Variants in CCR6 observed in about 807,000 individuals in gnomAD.
The protein encoded by CCR6 is C-C motif chemokine receptor 6.
A neutral mutation model predicts 3.0 loss-of-function variants in CCR6; 2 were observed. The ratio of observed to expected loss-of-function variants is 0.66; its 90% CI spans 0.27 to 2.07. The LOEUF is 2.07. Ranked by LOEUF, CCR6 falls within the 30% of genes most tolerant of loss-of-function variation. CCR6 has a pLI of 0.14. For missense variants in CCR6, 322 were observed against 462.8 expected (o/e 0.70, Z 2.79); for synonymous variants, 193 against 184.3 (o/e 1.05, Z -0.38).
rs144859590 is a variant in CCR6 at position 167,113,969 on chromosome 6, G to T, written c.-98+1955G>T. Reference sequence around the variant, plus strand: ...GGAAAAAGGGCAGGGCAAGGAAGAGGTTCCAGGATAAAATAGACATGAGAT... The same window carrying T: ...GGAAAAAGGGCAGGGCAAGGAAGAGTTTCCAGGATAAAATAGACATGAGAT... On this transcript the variant is annotated intron_variant, in intron 1 of 2. Coordinates refer to the CCR6 transcript ENST00000400926. Among the ~76,000 whole-genome samples, 52 of 152,330 alleles carry T rather than the reference G, an allele frequency of 3.4e-4. No homozygotes were observed. The East Asian group carries it at 9.3e-3, about 27-fold the overall frequency.
rs186846068 is a variant in CCR6 at position 167,113,727 on chromosome 6, G to T, written c.-98+1713G>T. On this transcript the variant is annotated intron_variant, in intron 1 of 2. Transcript: ENST00000400926. ...TTAGTTGAAAATTAATTTGGAATAG[G>T]CTTCCCCAAGACCAAAATGTTGGTT... Among the ~76,000 whole-genome samples the T allele has an allele frequency of 4.6e-5, 7 of 152,330 alleles. 1 individual carries two copies. The highest frequency in any genetic ancestry group is 1.7e-4 in the African/African-American group (7 of 41,568).
intron 1 of CCR6, chr6:167,126,193 C>A (rs1366573246): frequency 1.3e-5 from 2 of 152,006 alleles, no homozygotes; most frequent in Non-Finnish European, 2.9e-5. Flanking sequence ...ATAGCAAGAC[C>A]CCATCTCTAA....
chr6:167,120,658 C>A (rs1256228907), upstream of CCR6, among the ~76,000 whole-genome samples: 1 of 152,158 alleles, frequency 6.6e-6, no homozygotes, highest in East Asian at 1.9e-4. Flanking sequence ...CTGAATTTAC[C>A]AAACTGTCCC....
chr6:167,117,667 A>G (rs971997739), intron 1 of CCR6, among the ~76,000 whole-genome samples: 25 of 151,846 alleles, frequency 1.6e-4, no homozygotes, highest in Admixed American at 1.3e-3. Flanking sequence ...CGCCCGTCTC[A>G]GCCTCCCAAA....
intron 1 of CCR6, chr6:167,112,032 C>T (rs144393247): frequency 5.4e-4 from 81 of 150,846 alleles, no homozygotes; most frequent in African/African-American, 1.9e-3. Flanking sequence ...TTTTTTTTGT[C>T]TTGGAACTTA....
chr6:167,128,137 A>T (rs1423787934), intron 1 of CCR6, among the ~76,000 whole-genome samples: 1 of 152,224 alleles, frequency 6.6e-6, no homozygotes, highest in Non-Finnish European at 1.5e-5. Flanking sequence ...GGGTCCAACT[A>T]GATAATCCAG....
intron 1 of CCR6, among the ~76,000 whole-genome samples, chr6:167,113,441 CAGA>C (rs1781444597): frequency 6.6e-6 from 1 of 152,198 alleles, no homozygotes; most frequent in Admixed American, 6.5e-5. Flanking sequence ...CCCCAAAACA[CAGA>C]GAGGGCAACT....
intron 1 of CCR6, among the ~76,000 whole-genome samples, chr6:167,124,611 G>A (rs1460397354): frequency 2.0e-5 from 3 of 152,224 alleles, no homozygotes; most frequent in East Asian, 3.9e-4. Context: ...GAATTAGAAC[G>A]GCGAGTAAGA....
At chr6:167,125,841 TA>T (rs1781661695) in intron 1 of CCR6, among the ~76,000 whole-genome samples, 1 of 152,140 alleles carries the variant, frequency 6.6e-6, no homozygotes, top group African/African-American at 2.4e-5. Flanking sequence ...TTTATTGCAA[TA>T]AAAATTGCAA....
rs762239874 is a variant in CCR6, at chr6:167,137,090, C to T, written c.860C>T (p.Ser287Phe). ...GCAAATTTGGGTAAAATGAACCGAT[C>T]CTGCCAGAGCGAAAAGCTAATTGGC... is the stretch of plus-strand genomic sequence containing the variant. ...TAANLGKMNR[S>F]CQSEKLIGYT... The change falls in exon 3 of 3, where the codon TCC becomes TTC. Residue 287 changes from serine (S) to phenylalanine (F), a missense_variant. Transcript: ENST00000341935. This position sits in a 1 kb window ranked among gnomAD's most constrained non-coding sequence, Gnocchi z 4.6. The T allele has an allele frequency of 4.8e-5, 77 of 1,614,052 alleles. No individual in the cohort carries two copies. Among genetic ancestry groups the T allele is most frequent in the Non-Finnish European group, 6.4e-5 (76 of 1,180,050 alleles).
chr6:167,128,651 A>G (rs1781708419), intron 1 of CCR6, among the ~76,000 whole-genome samples: 3 of 152,206 alleles, frequency 2.0e-5, no homozygotes, highest in Admixed American at 1.3e-4. Context: ...AGCTCTCTGC[A>G]AACTCTGTCT....
Position 167,135,974 on chromosome 6 carries a change from ACTGT to A in CCR6, c.-97-60_-97-57del, listed in dbSNP as rs959889693. ...CACGAGATGGAATGCTGGTAACTTA[ACTGT>A]CTGGCTCTCCAGGAATACCTGTGTT... On this transcript the variant is annotated intron_variant, in intron 1 of 2. Transcript: ENST00000341935. The A allele has an allele frequency of 1.0e-4, 76 of 724,884 alleles. 1 individual carries two copies. In the African/African-American group the frequency reaches 1.2e-3, roughly 11 times the overall value. 44.9% of individuals were successfully genotyped at this position (724,884 alleles called of 1,614,324 possible).
chr6:167,130,644 G>A lies in CCR6; in HGVS notation c.-97-5394G>A, dbSNP rs148612319. Among the ~76,000 whole-genome samples, 9 of 151,902 alleles carry A rather than the reference G, an allele frequency of 5.9e-5. No individual in the cohort carries two copies. The East Asian group carries it at 1.7e-3, about 29-fold the overall frequency. Reference sequence around the variant, plus strand: ...CATACAGGTGAACCTGACAACCACCGTTTTTATGGAGAATCCTGATTCTTA... The same window carrying A: ...CATACAGGTGAACCTGACAACCACCATTTTTATGGAGAATCCTGATTCTTA... On this transcript the variant is annotated intron_variant, in intron 1 of 2. Transcript: ENST00000341935.
intron 1 of CCR6, among the ~76,000 whole-genome samples, chr6:167,124,308 C>A (rs1372344551): frequency 6.8e-6 from 1 of 146,268 alleles, no homozygotes; most frequent in East Asian, 2.0e-4. Context: ...ATAAACAAAT[C>A]ACCGGGGGAA....
chr6:167,137,081 T>A lies in CCR6; in HGVS notation c.851T>A (p.Met284Lys), dbSNP rs780682548. ...LLVTAANLGK[M>K]NRSCQSEKLI... The stretch of plus-strand genomic sequence containing the variant: ...GTGACGGCTGCAAATTTGGGTAAAA[T>A]GAACCGATCCTGCCAGAGCGAAAAG... Residue 284 changes from methionine (M) to lysine (K), a missense_variant, in exon 3 of 3, where the codon ATG (methionine) becomes AAG (lysine). Transcript: ENST00000341935. The surrounding 1 kb of genome is among the most constrained non-coding windows in gnomAD (Gnocchi z 4.6). 1.9e-6 allele frequency: 3 copies of A among 1,614,156 alleles called. No homozygotes were observed. The East Asian group carries it at 6.7e-5, about 36-fold the overall frequency.
At chr6:167,116,695 C>G (rs2114910336) in intron 1 of CCR6, 1 of 152,488 alleles carries the variant, frequency 6.6e-6, no homozygotes, top group Admixed American at 6.5e-5. Flanking sequence ...GTCAGGGCTT[C>G]CCGCCTATGC....
chr6:167,116,497 C>T (rs1241673194), intron 1 of CCR6, among the ~76,000 whole-genome samples: 1 of 152,252 alleles, frequency 6.6e-6, no homozygotes, highest in African/African-American at 2.4e-5. Context: ...TGTGTCCTCC[C>T]TTCTCCCAGC....
chr6:167,116,912 G>C (rs539713871), intron 1 of CCR6: 2 of 152,350 alleles, frequency 1.3e-5, no homozygotes, highest in South Asian at 4.1e-4. Flanking sequence ...CCTAATCCTG[G>C]GAGTCCAACA....
chr6:167,115,015 T>C (rs529919160), intron 1 of CCR6: 3 of 152,382 alleles, frequency 2.0e-5, no homozygotes, highest in East Asian at 3.9e-4. Context: ...AAAATCAGCC[T>C]TGTGAGTGTA....
Sources: allele counts gnomAD v4.1 joint callset (sites outside exome capture counted in the v4.1 genomes callset), GRCh38; gene constraint gnomAD v4.1.1; non-coding constraint Gnocchi (gnomAD v3.1); transcripts MANE v1.5; gene names NCBI Gene and HGNC (gene_info 2026-07-23, HGNC 2026-07-21).